Variants in ASTN2 observed in about 807,000 individuals in gnomAD.
ASTN2 encodes astrotactin-2.
ASTN2 carries 54 observed loss-of-function variants against 139.8 expected under a neutral mutation model. The observed-to-expected ratio is 0.39, with a 90% CI of 0.31 to 0.48. The LOEUF (loss-of-function observed/expected upper bound fraction) is 0.48. Ranked by LOEUF, ASTN2 falls within the 20% of genes least tolerant of loss-of-function variation. ASTN2 has a pLI of 0.95. For synonymous variants in ASTN2, 756 were observed against 719.5 expected (o/e 1.05, Z -0.81); for missense variants, 1,565 against 1,725.1 (o/e 0.91, Z 1.64).
Position 116,900,957 on chromosome 9 carries a change from CT to C in ASTN2, c.1890-37225del, listed in dbSNP as rs528886823. Among the ~76,000 whole-genome samples the C allele has an allele frequency of 1.4e-4, 22 of 152,168 alleles. No homozygotes were observed. In the East Asian group the frequency reaches 4.2e-3, roughly 29 times the overall value. On this transcript the variant is annotated intron_variant, in intron 10 of 22. Transcript: ENST00000313400. ...ACCATATCCAAGAATTTCTTTCTTT[CT>C]TTTTTTAAACTGGACTTCCTAAAAA...
chr9:116,436,646 T>C (rs1219711261), intron 22 of ASTN2, among the ~76,000 whole-genome samples: 2 of 152,100 alleles, frequency 1.3e-5, no homozygotes, highest in Non-Finnish European at 2.9e-5. Flanking sequence ...TGGGCGGACA[T>C]TTTAGAGAAT....
intron 1 of ASTN2, among the ~76,000 whole-genome samples, chr9:117,302,857 A>G (rs768342941): frequency 6.6e-6 from 1 of 152,202 alleles, no homozygotes; most frequent in Non-Finnish European, 1.5e-5. Flanking sequence ...TATATGATGA[A>G]TTAATCCCCA....
chr9:116,883,890 T>C (rs1833520365), intron 10 of ASTN2, among the ~76,000 whole-genome samples: 1 of 152,184 alleles, frequency 6.6e-6, no homozygotes, highest in South Asian at 2.1e-4. Flanking sequence ...CTGAGTTTTG[T>C]CAGTAGAACA....
chr9:117,039,984 AC>A lies in ASTN2; in HGVS notation c.1277-20del. 1.3e-6 allele frequency: 2 copies of A among 1,590,194 alleles called. No individual in the cohort carries two copies. Among genetic ancestry groups the A allele is most frequent in the Middle Eastern group, 1.7e-4 (1 of 5,956 alleles). ...AGCAAACCTGGTAACAAGAACATAC[AC>A]AAAGACACAAAATTCCATGAGGTGA... On this transcript the variant is annotated intron_variant, in intron 5 of 22. Transcript: ENST00000313400.
intron 2 of ASTN2, among the ~76,000 whole-genome samples, chr9:117,237,224 T>C (rs1223810271): frequency 6.6e-6 from 1 of 152,188 alleles, no homozygotes; most frequent in African/African-American, 2.4e-5. Context: ...TGCACCAACC[T>C]AATAGTTTCT....
At chr9:117,273,904 A>C (rs1463190174) in intron 2 of ASTN2, among the ~76,000 whole-genome samples, 1 of 152,168 alleles carries the variant, frequency 6.6e-6, no homozygotes, top group Non-Finnish European at 1.5e-5. Flanking sequence ...TTGCTATGTC[A>C]CAACCTCATT....
intron 16 of ASTN2, among the ~76,000 whole-genome samples, chr9:116,688,822 C>G (rs113050442): frequency 1.1e-3 from 173 of 152,118 alleles, no homozygotes; most frequent in African/African-American, 4.0e-3. Context: ...GGGGCAGTGG[C>G]TCTGTGAGTG....
intron 3 of ASTN2, among the ~76,000 whole-genome samples, chr9:117,187,546 G>T (rs1402034055): frequency 6.6e-6 from 1 of 152,126 alleles, no homozygotes; most frequent in Non-Finnish European, 1.5e-5. Context: ...TGCATTAAAG[G>T]ACTAATAGAT....
At chr9:116,456,379 T>A (rs1331314816) in intron 20 of ASTN2, among the ~76,000 whole-genome samples, 2 of 152,056 alleles carry the variant, frequency 1.3e-5, no homozygotes, top group East Asian at 1.9e-4. Context: ...GGAAAGATAA[T>A]CCATGTTCAT....
chr9:117,219,478 G>A (rs1225700191), intron 2 of ASTN2, among the ~76,000 whole-genome samples: 1 of 152,182 alleles, frequency 6.6e-6, no homozygotes, highest in Non-Finnish European at 1.5e-5. Context: ...AAATCTCCAA[G>A]GGTGACAAGC....
chr9:117,120,012 G>GTATATATATATATATATATA (rs1194137211), intron 4 of ASTN2, among the ~76,000 whole-genome samples: 1 of 68,782 alleles, frequency 1.5e-5, no homozygotes, highest in African/African-American at 6.3e-5. Flanking sequence ...GTGTGTGTGT[G>GTATATATATATATATATATA]TGTGTGTATA....
At chr9:117,365,322 A>G (rs1437308712) in intron 1 of ASTN2, among the ~76,000 whole-genome samples, 1 of 151,416 alleles carries the variant, frequency 6.6e-6, no homozygotes, top group East Asian at 1.9e-4. Flanking sequence ...AAAAAGAAAG[A>G]AAGAAAGAAA....
intron 20 of ASTN2, among the ~76,000 whole-genome samples, chr9:116,445,927 C>T (rs548680916): frequency 1.3e-5 from 2 of 152,234 alleles, no homozygotes; most frequent in African/African-American, 2.4e-5. Flanking sequence ...AAGAGGAAGA[C>T]GTCAACCTCA....
intron 14 of ASTN2, among the ~76,000 whole-genome samples, chr9:116,731,757 T>C (rs115430434): frequency 0.017 from 2,535 of 152,224 alleles, 80 homozygotes; most frequent in African/African-American, 0.058. Flanking sequence ...AAACTGAGGC[T>C]CAGAGAGCAA....
chr9:117,365,314 AAAG>A (rs1829812427), intron 1 of ASTN2, among the ~76,000 whole-genome samples: 1 of 137,724 alleles, frequency 7.3e-6, no homozygotes, highest in Non-Finnish European at 1.6e-5. Context: ...AAAGAAAGAA[AAAG>A]AAAGAAAGAA....
rs1032462375 is a variant in ASTN2 at position 116,722,521 on chromosome 9, A to T, written c.2806+3250T>A. ...GGGAAGGCTAGGGCATTTGTTTCTA[A>T]TATCCAGGGACACCAGAGCTAGGGT... On this transcript the variant is annotated intron_variant, in intron 16 of 22. Coordinates refer to ENST00000313400, the MANE Select transcript of ASTN2 (RefSeq NM_001365068.1). Among the ~76,000 whole-genome samples, 60 of 152,180 alleles carry T rather than the reference A, an allele frequency of 3.9e-4. 1 individual carries two copies. Among genetic ancestry groups the T allele is most frequent in the Non-Finnish European group, 6.9e-4 (47 of 68,034 alleles).
At chr9:116,726,310 C>G (rs1828622002) in intron 15 of ASTN2, among the ~76,000 whole-genome samples, 1 of 152,176 alleles carries the variant, frequency 6.6e-6, no homozygotes, top group South Asian at 2.1e-4. Context: ...GTTTCACCCT[C>G]TTTATGTAAC....
intron 19 of ASTN2, among the ~76,000 whole-genome samples, chr9:116,595,694 G>A (rs949277991): frequency 7.2e-5 from 11 of 151,958 alleles, no homozygotes; most frequent in Admixed American, 2.6e-4. Context: ...TGACTGTCTT[G>A]TTTCATGACA....
intron 10 of ASTN2, among the ~76,000 whole-genome samples, chr9:116,873,010 T>C (rs1390500639): frequency 1.3e-5 from 2 of 152,168 alleles, no homozygotes; most frequent in Non-Finnish European, 2.9e-5. Flanking sequence ...GATCCTGCTT[T>C]TATTTAGAGT....
Sources: gnomAD v4.1 joint callset for allele counts (sites outside exome capture counted in the v4.1 genomes callset) on GRCh38, gnomAD v4.1.1 for gene constraint, MANE v1.5 for transcripts, NCBI Gene and HGNC (gene_info 2026-07-23, HGNC 2026-07-21) for gene names.